MED21: variants seen among roughly 807,000 people sequenced by gnomAD.
MED21 encodes mediator complex subunit 21.
In MED21, 9 loss-of-function variants were observed where a neutral mutation model predicts 18.2. That is an observed-to-expected ratio of 0.49 (90% CI 0.30 to 0.86). The LOEUF (loss-of-function observed/expected upper bound fraction) is 0.86. MED21 is among the 40% of genes least tolerant of loss of function. The probability of loss-of-function intolerance (pLI) is 0.07; values close to 1 mark genes in which losing one functional copy is unlikely to be tolerated. For synonymous variants in MED21, 73 were observed against 60.5 expected (o/e 1.21, Z -0.96); for missense variants, 150 against 170.9 (o/e 0.88, Z 0.68).
chr12:27,035,368 C>T (rs1941643409), downstream of MED21, among the ~76,000 whole-genome samples: 1 of 150,586 alleles, frequency 6.6e-6, no homozygotes, highest in African/African-American at 2.4e-5. Flanking sequence ...CAAAATTTTA[C>T]AGTAACAGTA....
downstream of MED21, among the ~76,000 whole-genome samples, chr12:27,032,559 G>A (rs142430433): frequency 1.0e-3 from 156 of 152,256 alleles, no homozygotes; most frequent in African/African-American, 3.6e-3. Flanking sequence ...GTGGTACATG[G>A]CCACTGACTA....
chr12:27,037,048 A>G (rs1024570426), intron 2 of MED21: 8 of 152,086 alleles, frequency 5.3e-5, no homozygotes, highest in Non-Finnish European at 5.9e-5. Context: ...CCATTTTCAC[A>G]ATATTGATTC....
At chr12:27,037,007 T>C (rs898287756) in intron 2 of MED21, 2 of 152,190 alleles carry the variant, frequency 1.3e-5, no homozygotes, top group African/African-American at 4.8e-5. Flanking sequence ...GGGGATGGCA[T>C]TGAATCTATA....
At chr12:27,033,252 C>G (rs578127650), downstream of MED21, among the ~76,000 whole-genome samples, 1 of 152,062 alleles carries the variant, frequency 6.6e-6, no homozygotes. Context: ...CCCGGGAAGT[C>G]AAAGATCAAA....
In MED21 at chr12:27,028,810, ATC is replaced by A. The variant is rs989157508; in HGVS notation, c.*354_*355del. ...GGCCAGTACTTTTACAAATCAAAAC[ATC>A]TCTCAAGCCAAAGGAGAAGACAGTA... On this transcript the variant is annotated 3_prime_UTR_variant, in exon 4 of 4. Transcript: ENST00000282892. 71 of 997,590 alleles carry A rather than the reference ATC, an allele frequency of 7.1e-5. No individual in the cohort carries two copies. Among genetic ancestry groups the A allele is most frequent in the Non-Finnish European group, 7.5e-5 (63 of 837,222 alleles). The allele number at this position is 997,590 out of a possible 1,614,324, so 61.8% of individuals were successfully genotyped here.
chr12:27,031,188 T>C (rs1592337667), downstream of MED21, among the ~76,000 whole-genome samples: 1 of 152,346 alleles, frequency 6.6e-6, no homozygotes, highest in East Asian at 1.9e-4. Context: ...ATTACAGGCA[T>C]GAGCCACTGC....
Position 27,029,037 on chromosome 12 carries a change from C to A in MED21, c.*576C>A, listed in dbSNP as rs1026798147. ...ACCTCATACCTGTTCTAGTTCATCT[C>A]CACGTTTATTTTACCAAGAGATCCT... On this transcript the variant is annotated 3_prime_UTR_variant, in exon 4 of 4. Transcript: ENST00000282892. 1 of 985,266 alleles carries A rather than the reference C, an allele frequency of 1.0e-6. No individual in the cohort carries two copies. 61.0% of individuals were successfully genotyped at this position (985,266 alleles called of 1,614,324 possible).
At position 27,030,631 on chromosome 12, in the gene MED21, G is replaced by A. The variant is rs1047380876; in HGVS notation, c.*2170G>A. On this transcript the variant is annotated 3_prime_UTR_variant, in exon 4 of 4. Coordinates refer to ENST00000282892, the MANE Select transcript of MED21 (RefSeq NM_004264.5). ...TGATTTAAATCTAAAAACTGGATAA[G>A]AAGCTGTGGCTTGTAATTAAAAATA... is the stretch of plus-strand genomic sequence containing the variant. The A allele has an allele frequency of 6.5e-6, 1 of 154,342 alleles. No individual in the cohort carries two copies. Among genetic ancestry groups the A allele is most frequent in the African/African-American group, 2.4e-5 (1 of 41,534 alleles). 9.6% of individuals were successfully genotyped at this position (154,342 alleles called of 1,614,324 possible).
chr12:27,022,931 ATTTTCTTGTCAG>A, intron 1 of MED21: 2 of 1,232,330 alleles, frequency 1.6e-6, no homozygotes, highest in South Asian at 3.4e-5. Context: ...GGACAGTTTT[ATTTTCTTGTCAG>A]TGGTGCTTAC....
chr12:27,033,135 T>C (rs1941630496), downstream of MED21, among the ~76,000 whole-genome samples: 1 of 152,210 alleles, frequency 6.6e-6, no homozygotes, highest in Non-Finnish European at 1.5e-5. Flanking sequence ...ATTGCAATAG[T>C]TCCTCTCTCC....
intron 3 of MED21, 136 bp downstream of exon 3, chr12:27,027,583 G>T: frequency 1.6e-6 from 1 of 615,260 alleles, no homozygotes; most frequent in Non-Finnish European, 2.8e-6. Flanking sequence ...ATAAAGAACA[G>T]AAATTTATTT....
intron 2 of MED21, 35 bp downstream of exon 2, chr12:27,026,569 T>A (rs1941547547): frequency 2.2e-6 from 3 of 1,347,548 alleles, no homozygotes; most frequent in Non-Finnish European, 2.1e-6. Flanking sequence ...TTAGTTTGAC[T>A]CTCACATTTT....
chr12:27,028,481 G>C lies in MED21; in HGVS notation c.*20G>C. The C allele has an allele frequency of 6.2e-7, 1 of 1,603,616 alleles. No individual in the cohort carries two copies. Among genetic ancestry groups the C allele is most frequent in the Non-Finnish European group, 8.5e-7 (1 of 1,173,226 alleles). Reference sequence around the variant, plus strand: ...TCATAGCATCAGTGGATACCATGTGGCTGAGAAAAGAACTGTTTGAGTGCC... The same window carrying C: ...TCATAGCATCAGTGGATACCATGTGCCTGAGAAAAGAACTGTTTGAGTGCC... On this transcript the variant is annotated 3_prime_UTR_variant, in exon 4 of 4. Coordinates refer to ENST00000282892, the MANE Select transcript of MED21 (RefSeq NM_004264.5).
intron 1 of MED21, among the ~76,000 whole-genome samples, chr12:27,023,300 CTTTTTTTT>C (rs71437317): frequency 9.1e-6 from 1 of 110,438 alleles, no homozygotes; most frequent in Admixed American, 1.1e-4. Context: ...TTTTTCTTTT[CTTTTTTTT>C]TTTTTTTTTA....
chr12:27,023,239 T>G (rs1277297489), intron 1 of MED21, among the ~76,000 whole-genome samples: 5 of 151,814 alleles, frequency 3.3e-5, no homozygotes, highest in Admixed American at 2.0e-4. Flanking sequence ...GGGACATCTT[T>G]ATGATAGGAA....
intron 1 of MED21, among the ~76,000 whole-genome samples, chr12:27,023,801 C>T (rs1360589232): frequency 6.7e-6 from 1 of 149,864 alleles, no homozygotes; most frequent in Admixed American, 6.7e-5. Flanking sequence ...TTGGCGATAA[C>T]TTTTTTTTTT....
Position 27,028,442 on chromosome 12 carries a change from A to C in MED21, c.416A>C (p.Gln139Pro), listed in dbSNP as rs891942042. The C allele has an allele frequency of 3.1e-6, 5 of 1,613,852 alleles. No homozygotes were observed. Among genetic ancestry groups the C allele is most frequent in the Middle Eastern group, 1.6e-4 (1 of 6,080 alleles). ...AAGACAAGAAGTGGTACCCATAGCC[A>C]GTCTCTTCCAGACTCATAGCATCAG... ...QLKTRSGTHS[Q>P]SLPDS The change falls in exon 4 of 4, where the codon CAG becomes CCG. Residue 139 changes from glutamine to proline, a missense_variant. Gln to Pro is a moderately conservative substitution (Grantham distance 76, BLOSUM62 -1). Transcript: ENST00000282892.
Position 27,030,576 on chromosome 12 carries a change from C to G in MED21, c.*2115C>G, listed in dbSNP as rs959404424. 5 of 172,992 alleles carry G rather than the reference C, an allele frequency of 2.9e-5. No individual in the cohort carries two copies. In the South Asian group the frequency reaches 8.0e-4, roughly 28 times the overall value. 10.7% of individuals were successfully genotyped at this position (172,992 alleles called of 1,614,324 possible). Reference sequence around the variant, plus strand: ...TAAATTTTATTTTATTTCATTAATACAGCAATAATTAAATGTCAATGATCT... The same window carrying G: ...TAAATTTTATTTTATTTCATTAATAGAGCAATAATTAAATGTCAATGATCT... On this transcript the variant is annotated 3_prime_UTR_variant, in exon 4 of 4. Transcript: ENST00000282892.
At chr12:27,038,087 A>T (rs956753565) in intron 2 of MED21, 4 of 152,230 alleles carry the variant, frequency 2.6e-5, no homozygotes, top group African/African-American at 7.2e-5. Context: ...CTCATCTTTA[A>T]GCTGGTGATT....
Sources: gnomAD v4.1 joint callset for allele counts (sites outside exome capture counted in the v4.1 genomes callset) on GRCh38, gnomAD v4.1.1 for gene constraint, MANE v1.5 for transcripts, NCBI Gene and HGNC (gene_info 2026-07-23, HGNC 2026-07-21) for gene names.